CTNNA2: variants seen among roughly 807,000 people sequenced by gnomAD.
CTNNA2 encodes the protein catenin alpha-2.
Under a neutral mutation model 101.0 loss-of-function variants are expected in CTNNA2, and 42 were observed. That is an observed-to-expected ratio of 0.42 (90% CI 0.32 to 0.54). CTNNA2 has a LOEUF of 0.54. Ranked by LOEUF, CTNNA2 falls within the 20% of genes least tolerant of loss-of-function variation. CTNNA2 has a pLI of 0.14. For synonymous variants in CTNNA2, 450 were observed against 456.4 expected, an observed-to-expected ratio of 0.99 and a Z score of 0.18; for missense variants, 871 against 1,223.1, an observed-to-expected ratio of 0.71 and a Z score of 4.29.
chr2:79,779,364 G>A (rs1164171791), intron 3 of CTNNA2, among the ~76,000 whole-genome samples: 1 of 152,090 alleles, frequency 6.6e-6, no homozygotes, highest in Non-Finnish European at 1.5e-5. Context: ...GGTGAGAGCA[G>A]GCCTGAAGAA....
chr2:80,375,867 A>G (rs1308411311), intron 7 of CTNNA2, among the ~76,000 whole-genome samples: 1 of 151,608 alleles, frequency 6.6e-6, no homozygotes, highest in East Asian at 2.0e-4. Context: ...CTGGCCTTCA[A>G]GTCAGACTTA....
intron 9 of CTNNA2, among the ~76,000 whole-genome samples, chr2:80,517,712 G>A (rs1392839832): frequency 2.0e-5 from 3 of 152,198 alleles, no homozygotes; most frequent in Non-Finnish European, 4.4e-5. Flanking sequence ...ACAAAATGGT[G>A]CTCAGGACAA....
intron 3 of CTNNA2, among the ~76,000 whole-genome samples, chr2:79,331,191 A>T (rs997175562): frequency 1.3e-5 from 2 of 151,990 alleles, no homozygotes. Flanking sequence ...CTCATCTCAA[A>T]TGGCTCAGCT....
chr2:80,624,578 T>C (rs1221319365), intron 18 of CTNNA2, among the ~76,000 whole-genome samples: 3 of 152,136 alleles, frequency 2.0e-5, no homozygotes, highest in South Asian at 4.1e-4. Context: ...GCAACAAGGA[T>C]TGATTCTAAT....
intron 7 of CTNNA2, among the ~76,000 whole-genome samples, chr2:80,392,372 A>G (rs899826358): frequency 2.0e-5 from 3 of 152,200 alleles, no homozygotes; most frequent in Non-Finnish European, 4.4e-5. Context: ...GAAAACATTT[A>G]TCTTTTAAGG....
chr2:79,616,392 A>G (rs1678622456), intron 1 of CTNNA2, among the ~76,000 whole-genome samples: 1 of 152,244 alleles, frequency 6.6e-6, no homozygotes, highest in African/African-American at 2.4e-5. Flanking sequence ...GTAAAACAGA[A>G]TGCTAACAGT....
chr2:80,589,724 C>T (rs1183701035), intron 15 of CTNNA2, among the ~76,000 whole-genome samples: 2 of 152,112 alleles, frequency 1.3e-5, no homozygotes, highest in Non-Finnish European at 2.9e-5. Flanking sequence ...ATTATCTACC[C>T]TAAGGCAGTC....
intron 4 of CTNNA2, among the ~76,000 whole-genome samples, chr2:79,389,220 T>G (rs1678139805): frequency 6.6e-6 from 1 of 152,148 alleles, no homozygotes; most frequent in South Asian, 2.1e-4. Context: ...AAATCTAACT[T>G]GCTATAAAGG....
At chr2:80,360,034 C>A (rs894194896) in intron 7 of CTNNA2, among the ~76,000 whole-genome samples, 3 of 151,942 alleles carry the variant, frequency 2.0e-5, no homozygotes, top group African/African-American at 7.3e-5. Flanking sequence ...TATAGTTATC[C>A]ATTTATTTAC....
chr2:79,739,839 A>T (rs1457114248), intron 2 of CTNNA2, among the ~76,000 whole-genome samples: 1 of 152,208 alleles, frequency 6.6e-6, no homozygotes, highest in African/African-American at 2.4e-5. Context: ...CCAGTTATGC[A>T]AAAGGTGACT....
intron 1 of CTNNA2, chr2:79,524,715 G>A (rs1261735665): frequency 6.6e-5 from 10 of 151,858 alleles, no homozygotes; most frequent in Admixed American, 5.9e-4. Flanking sequence ...CTGTACTCCA[G>A]ACACACCTAT....
intron 2 of CTNNA2, among the ~76,000 whole-genome samples, chr2:79,743,279 A>C (rs998653081): frequency 6.6e-6 from 1 of 152,186 alleles, no homozygotes; most frequent in Non-Finnish European, 1.5e-5. Context: ...TAGAAAATAA[A>C]GGTTCAGAAG....
chr2:79,571,882 T>C (rs1295609956), intron 1 of CTNNA2, among the ~76,000 whole-genome samples: 1 of 152,166 alleles, frequency 6.6e-6, no homozygotes, highest in East Asian at 1.9e-4. Context: ...GACCACCTTC[T>C]TATTTTAGTA....
In CTNNA2 at chr2:79,690,498, G is replaced by A. The variant is rs142339163; in HGVS notation, c.102+38840G>A. Among the ~76,000 whole-genome samples, 630 of 152,022 alleles carry A rather than the reference G, an allele frequency of 4.1e-3. 5 individuals are homozygous for A. The highest frequency in any genetic ancestry group is 0.014 in the African/African-American group (601 of 41,502). Reference sequence around the variant, plus strand: ...CTTTTTTATGGCCACATAGTATTCCGTAGTATATATGTGCCACATTTTCTT... The same window carrying A: ...CTTTTTTATGGCCACATAGTATTCCATAGTATATATGTGCCACATTTTCTT... On this transcript the variant is annotated intron_variant, in intron 2 of 18. Transcript: ENST00000402739.
intron 4 of CTNNA2, among the ~76,000 whole-genome samples, chr2:79,380,016 T>A (rs1172617564): frequency 6.6e-6 from 1 of 152,148 alleles, no homozygotes; most frequent in Non-Finnish European, 1.5e-5. Context: ...GACAGTTCTG[T>A]TAATGTTGTT....
At chr2:79,547,269 T>A (rs1673796764) in intron 1 of CTNNA2, 1 of 152,218 alleles carries the variant, frequency 6.6e-6, no homozygotes, top group Non-Finnish European at 1.5e-5. Flanking sequence ...ACCTAATAAA[T>A]TTAGATATAT....
intron 11 of CTNNA2, among the ~76,000 whole-genome samples, chr2:80,546,625 C>T (rs1274600969): frequency 1.3e-5 from 2 of 152,192 alleles, no homozygotes; most frequent in Non-Finnish European, 2.9e-5. Context: ...TAGAACTGCT[C>T]ATCACTTGAA....
In CTNNA2 at chr2:80,303,790, T is replaced by A. The variant is rs1377941938; in HGVS notation, c.1057-89421T>A. 1 of 1,535,198 alleles carries A rather than the reference T, an allele frequency of 6.5e-7. No homozygotes were observed. Among genetic ancestry groups the A allele is most frequent in the Non-Finnish European group, 8.8e-7 (1 of 1,142,728 alleles). ...CCGAGGGCCTCCTCAGCAGCCAGTATAGACAGAGACCGAGCAGCAGGAAAT... is the reference window on the plus strand; with the variant it reads ...CCGAGGGCCTCCTCAGCAGCCAGTAAAGACAGAGACCGAGCAGCAGGAAAT... On this transcript the variant is annotated intron_variant, in intron 7 of 18. Transcript: ENST00000402739. The surrounding 1 kb of genome is among the most constrained non-coding windows in gnomAD (Gnocchi z 7.7).
intron 8 of CTNNA2, among the ~76,000 whole-genome samples, chr2:80,404,681 G>A (rs994605782): frequency 6.6e-6 from 1 of 152,140 alleles, no homozygotes; most frequent in Non-Finnish European, 1.5e-5. Context: ...AGGTTCTTAG[G>A]GGTGGAAGGG....
Sources: allele counts gnomAD v4.1 joint callset (sites outside exome capture counted in the v4.1 genomes callset), GRCh38; gene constraint gnomAD v4.1.1; non-coding constraint Gnocchi (gnomAD v3.1); transcripts MANE v1.5; gene names NCBI Gene and HGNC (gene_info 2026-07-23, HGNC 2026-07-21).